The following QRFPR variants were observed in gnomAD, a reference collection of about 807,000 sequenced individuals.
QRFPR encodes the protein pyroglutamylated RF-amide peptide receptor.
A neutral mutation model predicts 31.3 loss-of-function variants in QRFPR; 37 were observed. The ratio of observed to expected loss-of-function variants is 1.18; its 90% CI spans 0.91 to 1.56. The LOEUF (loss-of-function observed/expected upper bound fraction) is 1.56. Among genes scored for constraint, QRFPR ranks in the 40% most tolerant of loss-of-function variants. The pLI is 0.00. For synonymous variants in QRFPR, 197 were observed against 192.0 expected, an observed-to-expected ratio of 1.03 and a Z score of -0.22; for missense variants, 542 against 532.5, an observed-to-expected ratio of 1.02 and a Z score of -0.18.
chr4:121,329,325 T>G lies in QRFPR; in HGVS notation c.1285A>C (p.Ser429Arg). 2 of 1,601,256 alleles carry G rather than the reference T, an allele frequency of 1.2e-6. No individual in the cohort carries two copies. Among genetic ancestry groups the G allele is most frequent in the East Asian group, 2.2e-5 (1 of 44,690 alleles). The change falls in exon 6 of 6, where the codon AGT becomes CGT. Residue 429 changes from serine to arginine, a missense_variant. Coordinates refer to ENST00000394427, the MANE Select transcript of QRFPR (RefSeq NM_198179.3). ...SELAENSPLD[S>R]GH ...AGATATTGTTATAATTAATGCCCAC[T>G]GTCTAAAGGAGAATTCTCAGCCAGT...
chr4:121,373,346 T>C (rs1726288597), intron 1 of QRFPR, among the ~76,000 whole-genome samples: 1 of 152,228 alleles, frequency 6.6e-6, no homozygotes, highest in African/African-American at 2.4e-5. Flanking sequence ...TTTAGTGACC[T>C]ACAGCATCTT....
chr4:121,376,007 A>C (rs1019873445), intron 1 of QRFPR, among the ~76,000 whole-genome samples: 3 of 152,194 alleles, frequency 2.0e-5, no homozygotes, highest in Admixed American at 6.5e-5. Context: ...AAACAAAATG[A>C]GGAGGAACAG....
chr4:121,369,721 G>A, intron 1 of QRFPR: 7 of 1,597,462 alleles, frequency 4.4e-6, no homozygotes, highest in Non-Finnish European at 6.0e-6. Context: ...CACTTCCAGA[G>A]TCCATGGTGC....
intron 1 of QRFPR, among the ~76,000 whole-genome samples, chr4:121,346,354 C>T (rs1334405858): frequency 6.6e-6 from 1 of 152,190 alleles, no homozygotes; most frequent in Non-Finnish European, 1.5e-5. Context: ...GCCCCTCTTC[C>T]TGTATCATTA....
rs1010415110 is a variant in QRFPR at position 121,363,606 on chromosome 4, G to A, written c.340+16702C>T. Among the ~76,000 whole-genome samples, 3 of 150,146 alleles carry A rather than the reference G, an allele frequency of 2.0e-5. 1 individual carries two copies. The highest frequency in any genetic ancestry group is 4.4e-5 in the Non-Finnish European group (3 of 67,628). ...AAAAGAATAAGGAAATACAATGAAG[G>A]TAGAGTTAGGAAATGAATTTAAAAG... On this transcript the variant is annotated intron_variant, in intron 1 of 5. Transcript: ENST00000394427.
chr4:121,346,997 G>T (rs954213136), intron 1 of QRFPR, among the ~76,000 whole-genome samples: 3 of 152,120 alleles, frequency 2.0e-5, no homozygotes, highest in African/African-American at 7.2e-5. Context: ...CTATTGAACT[G>T]TCTTTCTCTG....
Position 121,361,639 on chromosome 4 carries a change from G to T in QRFPR, c.340+18669C>A, listed in dbSNP as rs72917765. On this transcript the variant is annotated intron_variant, in intron 1 of 5. Transcript: ENST00000394427. Reference sequence around the variant, plus strand: ...GTAGGTATGTGATGAGGCCTGAGACGATTCTGAAAAAGTTCCAGGTGATGC... The same window carrying T: ...GTAGGTATGTGATGAGGCCTGAGACTATTCTGAAAAAGTTCCAGGTGATGC... 6.1e-3 allele frequency among the ~76,000 whole-genome samples: 914 copies of T among 150,276 alleles called. 65 individuals are homozygous for T. Among genetic ancestry groups the T allele is most frequent in the African/African-American group, 0.022 (881 of 40,672 alleles).
At chr4:121,379,888 T>A (rs1421644960) in intron 1 of QRFPR, among the ~76,000 whole-genome samples, 1 of 152,164 alleles carries the variant, frequency 6.6e-6, no homozygotes, top group Non-Finnish European at 1.5e-5. Context: ...GAAATATTTT[T>A]ATCTCACTTT....
chr4:121,335,585 TGGGGC>T (rs1560733540), intron 3 of QRFPR, among the ~76,000 whole-genome samples: 8 of 48,464 alleles, frequency 1.7e-4, no homozygotes, highest in Admixed American at 1.5e-3. Flanking sequence ...GGGTGGGGGG[TGGGGC>T]GGGGAGAGGA....
chr4:121,365,638 ATTTTATATATTATATATT>A (rs1560744252), intron 1 of QRFPR, among the ~76,000 whole-genome samples: 5 of 35,184 alleles, frequency 1.4e-4, no homozygotes, highest in African/African-American at 5.0e-4. Context: ...TTATATATAT[ATTTTATATATTATATATT>A]ATATATATTT....
In QRFPR at chr4:121,380,692, G is replaced by A; in HGVS notation, c.-45C>T. On this transcript the variant is annotated 5_prime_UTR_variant, in exon 1 of 6. Coordinates refer to ENST00000394427, the MANE Select transcript of QRFPR (RefSeq NM_198179.3). ...GCGGGGCCACCGCCCGCTACTGGCT[G>A]GCCATCCGCATCTGCGGGGCAGCGA... is the stretch of plus-strand genomic sequence containing the variant. 4.8e-6 allele frequency: 7 copies of A among 1,460,758 alleles called. No individual in the cohort carries two copies. The highest frequency in any genetic ancestry group is 6.4e-6 in the Non-Finnish European group (7 of 1,100,002). The allele number at this position is 1,460,758 out of a possible 1,614,324, so 90.5% of individuals were successfully genotyped here.
chr4:121,374,282 T>C (rs1726309546), intron 1 of QRFPR, among the ~76,000 whole-genome samples: 1 of 152,196 alleles, frequency 6.6e-6, no homozygotes, highest in African/African-American at 2.4e-5. Context: ...TAATCTACTT[T>C]TGCATTTTCT....
Position 121,363,249 on chromosome 4 carries a change from C to T in QRFPR, c.340+17059G>A, listed in dbSNP as rs559393702. ...GCTGAGGCAGGAGAATCACTTGAAC[C>T]TGGGAGATGGAGGTTGCAGTGAGCA... On this transcript the variant is annotated intron_variant, in intron 1 of 5. Transcript: ENST00000394427. Among the ~76,000 whole-genome samples, 58 of 150,280 alleles carry T rather than the reference C, an allele frequency of 3.9e-4. 1 individual carries two copies. Among genetic ancestry groups the T allele is most frequent in the Middle Eastern group, 3.4e-3 (1 of 292 alleles).
chr4:121,367,065 T>A (rs1726145273), intron 1 of QRFPR, among the ~76,000 whole-genome samples: 1 of 150,150 alleles, frequency 6.7e-6, no homozygotes, highest in Non-Finnish European at 1.5e-5. Context: ...GGCTATGAAC[T>A]AAACAGCAAG....
chr4:121,376,429 T>G (rs1412053295), intron 1 of QRFPR, among the ~76,000 whole-genome samples: 2 of 152,208 alleles, frequency 1.3e-5, no homozygotes. Context: ...AAAAACATGT[T>G]TGTGGCTACA....
chr4:121,344,174 C>T (rs923792336), intron 1 of QRFPR, among the ~76,000 whole-genome samples: 21 of 152,144 alleles, frequency 1.4e-4, no homozygotes, highest in African/African-American at 5.1e-4. Flanking sequence ...ATCTAATAAC[C>T]TTATTTCCCA....
At chr4:121,376,300 A>G (rs691661) in intron 1 of QRFPR, among the ~76,000 whole-genome samples, 45,869 of 151,986 alleles carry the variant, frequency 0.3, 7,130 homozygotes, top group Non-Finnish European at 0.35. Flanking sequence ...AAGGTAAGCC[A>G]ATAAGGCAAT....
chr4:121,342,437 T>C lies in QRFPR; in HGVS notation c.341-1827A>G, dbSNP rs562680326. The stretch of plus-strand genomic sequence containing the variant: ...TCTAAAATATCTTATTGGTTCTGTT[T>C]CTCTGTAGAACCCTGACTAATGCAG... On this transcript the variant is annotated intron_variant, in intron 1 of 5. Transcript: ENST00000394427. Among the ~76,000 whole-genome samples the C allele has an allele frequency of 5.3e-5, 8 of 152,156 alleles. No homozygotes were observed. In the South Asian group the frequency reaches 1.7e-3, roughly 32 times the overall value.
intron 1 of QRFPR, among the ~76,000 whole-genome samples, chr4:121,359,231 G>C (rs1005402813): frequency 2.0e-5 from 3 of 152,134 alleles, no homozygotes; most frequent in African/African-American, 7.2e-5. Context: ...CATATGTTTA[G>C]GTTTGGAAGA....
Sources: allele counts gnomAD v4.1 joint callset (sites outside exome capture counted in the v4.1 genomes callset), GRCh38; gene constraint gnomAD v4.1.1; transcripts MANE v1.5; gene names NCBI Gene and HGNC (gene_info 2026-07-23, HGNC 2026-07-21).